Variants in SHC4 observed in about 807,000 individuals in gnomAD.
The protein encoded by SHC4 is SHC-transforming protein 4.
A neutral mutation model predicts 69.4 loss-of-function variants in SHC4; 41 were observed. That is an observed-to-expected ratio of 0.59 (90% CI 0.46 to 0.77). SHC4 has a LOEUF of 0.77. SHC4 is among the 30% of genes least tolerant of loss of function. SHC4 has a pLI of 0.00. For synonymous variants in SHC4, 318 were observed against 299.3 expected (o/e 1.06, Z -0.64); for missense variants, 777 against 783.8 (o/e 0.99, Z 0.10).
intron 9 of SHC4, among the ~76,000 whole-genome samples, chr15:48,850,915 G>C (rs942927363): frequency 6.6e-6 from 1 of 152,214 alleles, no homozygotes; most frequent in African/African-American, 2.4e-5. Context: ...TTTCCAGAGA[G>C]AGAGCTTTCA....
intron 11 of SHC4, among the ~76,000 whole-genome samples, chr15:48,827,263 T>C (rs1010680283): frequency 2.6e-5 from 4 of 152,232 alleles, no homozygotes; most frequent in Non-Finnish European, 5.9e-5. Flanking sequence ...ATAATTAATA[T>C]AATTTGAATA....
chr15:48,961,351 G>A (rs957655680), intron 1 of SHC4, among the ~76,000 whole-genome samples: 7 of 152,160 alleles, frequency 4.6e-5, no homozygotes, highest in Admixed American at 6.5e-5. Context: ...CAAGCTACCC[G>A]TGATCTCTAT....
chr15:48,963,502 T>A lies in SHC4; in HGVS notation c.-487A>T, dbSNP rs1210175935. The A allele has an allele frequency of 6.2e-6, 1 of 161,482 alleles. No homozygotes were observed. Among genetic ancestry groups the A allele is most frequent in the Non-Finnish European group, 1.3e-5 (1 of 74,176 alleles). 10.0% of individuals were successfully genotyped at this position (161,482 alleles called of 1,614,324 possible). ...GCTCTCACAGGGCGGGGCAAATGAC[T>A]GGCCTATTAACCCTTTATTTGTTCC... is the stretch of plus-strand genomic sequence containing the variant. On this transcript the variant is annotated 5_prime_UTR_variant, in exon 1 of 12. Coordinates refer to ENST00000332408, the MANE Select transcript of SHC4 (RefSeq NM_203349.4).
intron 2 of SHC4, among the ~76,000 whole-genome samples, chr15:48,892,707 C>T (rs1488657018): frequency 1.3e-5 from 2 of 151,608 alleles, no homozygotes; most frequent in African/African-American, 4.8e-5. Flanking sequence ...TCTAAAAATA[C>T]AAAAAATTAG....
intron 1 of SHC4, among the ~76,000 whole-genome samples, chr15:48,947,507 T>C (rs1901296693): frequency 6.6e-6 from 1 of 152,228 alleles, no homozygotes; most frequent in African/African-American, 2.4e-5. Context: ...ATAGTGCAAT[T>C]ACCCCTCAAA....
Position 48,962,739 on chromosome 15 carries a change from T to C in SHC4, c.277A>G (p.Met93Val), listed in dbSNP as rs1198337172. 6.2e-7 allele frequency: 1 copy of C among 1,613,540 alleles called. No homozygotes were observed. Among genetic ancestry groups the C allele is most frequent in the Non-Finnish European group, 8.5e-7 (1 of 1,179,996 alleles). The change falls in exon 1 of 12, where the codon ATG becomes GTG. Residue 93 changes from methionine (M) to valine (V), a missense_variant. By Grantham distance (21) the Met-to-Val change is conservative (BLOSUM62 1). Transcript: ENST00000332408. ...LCTLIPRMASMKLANPATLLS... is the reference protein window; with the variant it reads ...LCTLIPRMASVKLANPATLLS... ...AAAGTGGCCGGGTTGGCCAGCTTCA[T>C]GCTTGCCATGCGGGGGATCAAGGTG...
chr15:48,872,470 C>T (rs1351973037), intron 4 of SHC4, among the ~76,000 whole-genome samples: 3 of 152,196 alleles, frequency 2.0e-5, no homozygotes, highest in African/African-American at 7.2e-5. Context: ...AAGCATCTCT[C>T]TCTGCCATTA....
At chr15:48,845,947 T>A (rs181099537) in intron 9 of SHC4, among the ~76,000 whole-genome samples, 2 of 152,110 alleles carry the variant, frequency 1.3e-5, no homozygotes, top group Non-Finnish European at 2.9e-5. Flanking sequence ...TGCCTGCTCA[T>A]AAAAATTTAC....
chr15:48,868,652 G>A (rs879599439), intron 5 of SHC4, among the ~76,000 whole-genome samples: 3 of 152,146 alleles, frequency 2.0e-5, no homozygotes, highest in East Asian at 1.9e-4. Flanking sequence ...CAGATTAGAA[G>A]TATGACTCTC....
At chr15:48,878,019 C>A in intron 4 of SHC4, 1 of 918,096 alleles carries the variant, frequency 1.1e-6, no homozygotes, top group South Asian at 1.8e-5. Flanking sequence ...TGAGCTACTC[C>A]AACCACAGTG....
At chr15:48,893,073 A>G (rs1163354407) in intron 2 of SHC4, among the ~76,000 whole-genome samples, 1 of 152,138 alleles carries the variant, frequency 6.6e-6, no homozygotes, top group Non-Finnish European at 1.5e-5. Flanking sequence ...TGTTTTCTTG[A>G]TTCTCACACC....
Position 48,864,436 on chromosome 15 carries a change from C to CTTTTTTTT in SHC4, c.946+3374_946+3381dup, listed in dbSNP as rs35549079. Among the ~76,000 whole-genome samples the CTTTTTTTT allele has an allele frequency of 1.5e-4, 8 of 55,062 alleles. 1 individual carries two copies. The highest frequency in any genetic ancestry group is 3.5e-4 in the African/African-American group (5 of 14,246). The allele number at this position is 55,062 out of a possible 152,430, so 36.1% of individuals were successfully genotyped here. The stretch of plus-strand genomic sequence containing the variant: ...TGCTTTCCAATACCAATACCACTTT[C>CTTTTTTTT]TTTTTTTTTTTTTTTTTTTTTTTTT... On this transcript the variant is annotated intron_variant, in intron 6 of 11. Transcript: ENST00000332408.
At chr15:48,876,097 G>A (rs1899793483) in intron 4 of SHC4, among the ~76,000 whole-genome samples, 1 of 152,236 alleles carries the variant, frequency 6.6e-6, no homozygotes, top group African/African-American at 2.4e-5. Flanking sequence ...ACCATTGGCG[G>A]CACATTTCAG....
At chr15:48,870,849 G>A (rs10519194) in intron 5 of SHC4, among the ~76,000 whole-genome samples, 125,097 of 152,206 alleles carry the variant, frequency 0.82, 52,072 homozygotes, top group East Asian at 1. Flanking sequence ...CTGCTTAAAT[G>A]CTTTAGATGC....
chr15:48,853,977 G>A (rs1375648345), intron 8 of SHC4, among the ~76,000 whole-genome samples: 1 of 152,000 alleles, frequency 6.6e-6, no homozygotes, highest in Non-Finnish European at 1.5e-5. Flanking sequence ...ATGGACAAAT[G>A]GGACCTAAAT....
intron 1 of SHC4, among the ~76,000 whole-genome samples, chr15:48,929,572 A>G (rs1900916823): frequency 6.6e-6 from 1 of 152,186 alleles, no homozygotes; most frequent in Non-Finnish European, 1.5e-5. Context: ...TATAACAGAA[A>G]AAGTGAAAAG....
At chr15:48,956,111 A>T (rs1901449797) in intron 1 of SHC4, among the ~76,000 whole-genome samples, 1 of 152,196 alleles carries the variant, frequency 6.6e-6, no homozygotes, top group Non-Finnish European at 1.5e-5. Flanking sequence ...AGCAGAATCT[A>T]CTTCCACGTC....
chr15:48,925,493 C>T (rs1331459482), intron 1 of SHC4, among the ~76,000 whole-genome samples: 1 of 152,186 alleles, frequency 6.6e-6, no homozygotes, highest in Non-Finnish European at 1.5e-5. Context: ...GTGGATAGAA[C>T]AAGCATATAA....
intron 4 of SHC4, among the ~76,000 whole-genome samples, chr15:48,874,572 G>A (rs1899757581): frequency 6.6e-6 from 1 of 152,184 alleles, no homozygotes; most frequent in Admixed American, 6.5e-5. Context: ...ACATACGAGG[G>A]ATCTAGGTTG....
Sources: gnomAD v4.1 joint callset for allele counts (sites outside exome capture counted in the v4.1 genomes callset) on GRCh38, gnomAD v4.1.1 for gene constraint, MANE v1.5 for transcripts, NCBI Gene and HGNC (gene_info 2026-07-23, HGNC 2026-07-21) for gene names.